The following TAS2R1 variants were observed in gnomAD, a reference collection of about 807,000 sequenced individuals.
TAS2R1 encodes the protein taste 2 receptor member 1.
For missense variants in TAS2R1, 370 were observed against 353.4 expected (o/e 1.05, Z -0.38); for synonymous variants, 141 against 134.2 (o/e 1.05, Z -0.35).
the TAS2R1 span, among the ~76,000 whole-genome samples, chr5:9,843,018 T>C: frequency 0.019 from 2,829 of 152,254 alleles, 43 homozygotes; most frequent in African/African-American, 0.046. Flanking sequence ...TCTTGGACAC[T>C]TCAAATTACA....
chr5:9,753,193 C>T, the TAS2R1 span, among the ~76,000 whole-genome samples: 2 of 152,356 alleles, frequency 1.3e-5, no homozygotes, highest in Non-Finnish European at 2.9e-5. Context: ...TATTTCTCCA[C>T]ATCCTCTCCA....
chr5:9,709,551 G>T (rs938440383), intron 1 of TAS2R1, among the ~76,000 whole-genome samples: 9 of 152,156 alleles, frequency 5.9e-5, no homozygotes, highest in Admixed American at 1.3e-4. Flanking sequence ...GAAGTGGTGG[G>T]ATTTTGTTTC....
At chr5:9,780,131 T>C in the TAS2R1 span, among the ~76,000 whole-genome samples, 1 of 152,232 alleles carries the variant, frequency 6.6e-6, no homozygotes, top group Admixed American at 6.5e-5. Flanking sequence ...CATAGAAGAC[T>C]GCTGTTAATC....
the TAS2R1 span, among the ~76,000 whole-genome samples, chr5:9,729,026 A>G: frequency 2.0e-5 from 3 of 152,214 alleles, no homozygotes; most frequent in Non-Finnish European, 4.4e-5. Flanking sequence ...AAGAAAAACC[A>G]GCATCCAGCT....
At chr5:9,658,792 T>A (rs27842) in intron 2 of TAS2R1, 9 of 152,022 alleles carry the variant, frequency 5.9e-5, no homozygotes, top group Admixed American at 5.9e-4. Context: ...TGTGTTCTCA[T>A]GACAAGACGG....
chr5:9,851,181 C>T, the TAS2R1 span, among the ~76,000 whole-genome samples: 2 of 152,030 alleles, frequency 1.3e-5, no homozygotes, highest in Non-Finnish European at 2.9e-5. Flanking sequence ...ATCTATAAAC[C>T]ATGTTTATAG....
the TAS2R1 span, among the ~76,000 whole-genome samples, chr5:9,778,132 G>A: frequency 2.0e-4 from 31 of 151,568 alleles, no homozygotes; most frequent in African/African-American, 5.6e-4. Context: ...CACCTGCCTC[G>A]GCCTCCCAAA....
At chr5:9,873,868 C>CA in the TAS2R1 span, among the ~76,000 whole-genome samples, 4 of 87,324 alleles carry the variant, frequency 4.6e-5, no homozygotes, top group Non-Finnish European at 6.9e-5. Context: ...GACTCTGTCT[C>CA]GGGGAAAAAA....
chr5:9,853,773 C>T, the TAS2R1 span, among the ~76,000 whole-genome samples: 1 of 151,988 alleles, frequency 6.6e-6, no homozygotes, highest in African/African-American at 2.4e-5. Context: ...TGGGAATGGG[C>T]ATAAAAGAGA....
chr5:9,680,666 G>C (rs1223289792), intron 1 of TAS2R1, among the ~76,000 whole-genome samples: 6 of 152,150 alleles, frequency 3.9e-5, no homozygotes, highest in Non-Finnish European at 5.9e-5. Flanking sequence ...CACCTGACCA[G>C]TATTCTCCAA....
At chr5:9,860,936 C>T in the TAS2R1 span, among the ~76,000 whole-genome samples, 1 of 151,142 alleles carries the variant, frequency 6.6e-6, no homozygotes, top group Admixed American at 6.6e-5. Context: ...AAATATGTTC[C>T]TTTACCTATT....
At chr5:9,673,296 A>G (rs1489944074) in intron 1 of TAS2R1, among the ~76,000 whole-genome samples, 1 of 152,224 alleles carries the variant, frequency 6.6e-6, no homozygotes, top group South Asian at 2.1e-4. Context: ...AAGCTAAAAT[A>G]AAAGCTAATA....
chr5:9,644,505 A>C (rs1484449682), intron 2 of TAS2R1, among the ~76,000 whole-genome samples: 2 of 151,950 alleles, frequency 1.3e-5, no homozygotes, highest in African/African-American at 4.8e-5. Flanking sequence ...CAAGAAGGAG[A>C]AGGTTGAAGG....
chr5:9,799,359 T>C, the TAS2R1 span, among the ~76,000 whole-genome samples: 1 of 152,172 alleles, frequency 6.6e-6, no homozygotes, highest in South Asian at 2.1e-4. Flanking sequence ...AAAGAGAATT[T>C]CCTTAGCAAG....
the TAS2R1 span, among the ~76,000 whole-genome samples, chr5:9,870,638 A>T: frequency 6.6e-6 from 1 of 152,224 alleles, no homozygotes; most frequent in Non-Finnish European, 1.5e-5. Context: ...ATAATGGCAA[A>T]CATAGAAATA....
intron 1 of TAS2R1, chr5:9,659,803 C>G (rs1218013145): frequency 6.6e-6 from 1 of 152,042 alleles, no homozygotes; most frequent in Non-Finnish European, 1.5e-5. Flanking sequence ...AATTTCTAAT[C>G]ACCTACACTT....
the TAS2R1 span, among the ~76,000 whole-genome samples, chr5:9,892,768 T>C: frequency 3.3e-5 from 5 of 152,174 alleles, no homozygotes; most frequent in Admixed American, 6.5e-5. Flanking sequence ...AATGGGCTGA[T>C]AGAAGAAGCA....
chr5:9,832,715 A>G, the TAS2R1 span, among the ~76,000 whole-genome samples: 1 of 152,256 alleles, frequency 6.6e-6, no homozygotes, highest in Non-Finnish European at 1.5e-5. Flanking sequence ...AATGAAAAGA[A>G]ATGAAAAAGA....
the TAS2R1 span, chr5:9,854,677 T>C: frequency 6.6e-6 from 1 of 152,164 alleles, no homozygotes; most frequent in Non-Finnish European, 1.5e-5. Flanking sequence ...GTATTAAAAC[T>C]AAGATAAGGA....
Sources: gnomAD v4.1 joint callset for allele counts (sites outside exome capture counted in the v4.1 genomes callset) on GRCh38, gnomAD v4.1.1 for gene constraint, MANE v1.5 for transcripts, NCBI Gene and HGNC (gene_info 2026-07-23, HGNC 2026-07-21) for gene names.